Variants in MARCHF8 observed in about 807,000 individuals in gnomAD.
The protein encoded by MARCHF8 is E3 ubiquitin-protein ligase MARCHF8.
A neutral mutation model predicts 51.6 loss-of-function variants in MARCHF8; 40 were observed. The observed-to-expected ratio is 0.77, with a 90% CI of 0.60 to 1.01. MARCHF8 has a LOEUF of 1.01. MARCHF8 is among the 50% of genes least tolerant of loss of function. The pLI is 0.00. For synonymous variants in MARCHF8, 263 were observed against 280.3 expected, an observed-to-expected ratio of 0.94 and a Z score of 0.62; for missense variants, 685 against 708.6, an observed-to-expected ratio of 0.97 and a Z score of 0.38.
chr10:45,528,100 CA>C (rs2043821244), intron 2 of MARCHF8, among the ~76,000 whole-genome samples: 1 of 152,112 alleles, frequency 6.6e-6, no homozygotes, highest in Admixed American at 6.6e-5. Flanking sequence ...GAACATACCT[CA>C]AAATAATAAA....
chr10:45,590,680 A>T (rs2044668910), intron 1 of MARCHF8, among the ~76,000 whole-genome samples: 1 of 152,250 alleles, frequency 6.6e-6, no homozygotes, highest in Non-Finnish European at 1.5e-5. Flanking sequence ...AAATATGCAT[A>T]AGCAAACAAT....
intron 6 of MARCHF8, chr10:45,459,865 T>G: frequency 2.0e-6 from 2 of 985,454 alleles, no homozygotes; most frequent in Non-Finnish European, 2.4e-6. Context: ...AGCCAGACTT[T>G]CTTTTTCATT....
At chr10:45,479,524 G>A (rs771743420) in intron 3 of MARCHF8, among the ~76,000 whole-genome samples, 10 of 152,184 alleles carry the variant, frequency 6.6e-5, no homozygotes, top group Non-Finnish European at 1.5e-4. Flanking sequence ...CCCACAGGTT[G>A]TGGGAGGGAC....
chr10:45,575,692 A>G (rs1190943654), intron 1 of MARCHF8, among the ~76,000 whole-genome samples: 1 of 152,206 alleles, frequency 6.6e-6, no homozygotes, highest in Non-Finnish European at 1.5e-5. Context: ...TTAATATAAG[A>G]CTACAGGAAT....
chr10:45,570,663 A>C (rs2044418924), intron 1 of MARCHF8, among the ~76,000 whole-genome samples: 1 of 152,244 alleles, frequency 6.6e-6, no homozygotes, highest in Non-Finnish European at 1.5e-5. Context: ...ATTTGAAACG[A>C]AGTTATAAAA....
chr10:45,533,348 G>A, intron 1 of MARCHF8, 59 bp from the exon 2 acceptor site: 1 of 1,106,386 alleles, frequency 9.0e-7, no homozygotes, highest in Non-Finnish European at 1.2e-6. Flanking sequence ...AAATTTCCAA[G>A]AGTGAGCTTA....
chr10:45,468,019 T>G (rs1026265488), intron 3 of MARCHF8, among the ~76,000 whole-genome samples: 5 of 152,226 alleles, frequency 3.3e-5, no homozygotes, highest in African/African-American at 9.6e-5. Context: ...CTTCAGATGT[T>G]GTAATTAATT....
intron 2 of MARCHF8, among the ~76,000 whole-genome samples, chr10:45,510,916 T>G (rs923986363): frequency 6.6e-6 from 1 of 152,180 alleles, no homozygotes; most frequent in Non-Finnish European, 1.5e-5. Flanking sequence ...CAAATATCTA[T>G]GGGGAATATG....
chr10:45,528,737 C>G (rs1242118748), intron 2 of MARCHF8, among the ~76,000 whole-genome samples: 1 of 152,072 alleles, frequency 6.6e-6, no homozygotes, highest in Non-Finnish European at 1.5e-5. Flanking sequence ...ATCCCATTTA[C>G]AATAGCTACA....
intron 2 of MARCHF8, among the ~76,000 whole-genome samples, chr10:45,507,338 C>T (rs2043404526): frequency 6.6e-6 from 1 of 152,166 alleles, no homozygotes; most frequent in African/African-American, 2.4e-5. Flanking sequence ...AAAGGAATAC[C>T]TGAGGCTGGG....
rs11817831 is a variant in MARCHF8, at chr10:45,548,741, G to A, written c.-78-15452C>T. On this transcript the variant is annotated intron_variant, in intron 1 of 6. Coordinates refer to the MARCHF8 transcript ENST00000319836. ...CGTTTGGCCAGGCACGGTGGCTCATGCCTGTAATCTTCGGGAGGCCGAGGC... is the reference window on the plus strand; with the variant it reads ...CGTTTGGCCAGGCACGGTGGCTCATACCTGTAATCTTCGGGAGGCCGAGGC... 9.8e-3 allele frequency among the ~76,000 whole-genome samples: 1,487 copies of A among 152,278 alleles called. 29 individuals carry two copies. Among genetic ancestry groups the A allele is most frequent in the African/African-American group, 0.034 (1,420 of 41,562 alleles).
chr10:45,513,181 G>A (rs1439362405), intron 2 of MARCHF8, among the ~76,000 whole-genome samples: 1 of 150,852 alleles, frequency 6.6e-6, no homozygotes, highest in Non-Finnish European at 1.5e-5. Flanking sequence ...CTATGACCCT[G>A]CCAACTCCCC....
At chr10:45,529,449 T>A (rs2043842677) in intron 2 of MARCHF8, among the ~76,000 whole-genome samples, 1 of 152,000 alleles carries the variant, frequency 6.6e-6, no homozygotes, top group Non-Finnish European at 1.5e-5. Flanking sequence ...AAAGGAAAGC[T>A]ACAAAAATGA....
At chr10:45,489,001 T>G (rs1270753462) in intron 3 of MARCHF8, among the ~76,000 whole-genome samples, 4 of 152,210 alleles carry the variant, frequency 2.6e-5, no homozygotes, top group Non-Finnish European at 4.4e-5. Context: ...CCTTGTCAAA[T>G]GAACCATATA....
chr10:45,481,128 G>A (rs953185071), intron 3 of MARCHF8, among the ~76,000 whole-genome samples: 3 of 152,236 alleles, frequency 2.0e-5, no homozygotes, highest in African/African-American at 7.2e-5. Context: ...TTGGATTGTG[G>A]ACTTACATGG....
At chr10:45,537,364 C>T (rs1009364774), upstream of MARCHF8, among the ~76,000 whole-genome samples, 23 of 152,094 alleles carry the variant, frequency 1.5e-4, no homozygotes, top group Non-Finnish European at 4.4e-5. Context: ...AAAAGTTATG[C>T]TAAGTAGGCC....
intron 1 of MARCHF8, among the ~76,000 whole-genome samples, chr10:45,580,645 G>A (rs980217891): frequency 2.6e-5 from 4 of 152,114 alleles, no homozygotes; most frequent in Non-Finnish European, 5.9e-5. Context: ...TATGAAGTTC[G>A]TCAAGAACCA....
intron 1 of MARCHF8, among the ~76,000 whole-genome samples, chr10:45,534,220 C>T (rs1234161515): frequency 1.4e-5 from 2 of 145,382 alleles, no homozygotes; most frequent in African/African-American, 5.1e-5. Flanking sequence ...AGAGTATGTA[C>T]ATGAATGAGC....
chr10:45,523,879 A>G (rs1418234022), intron 2 of MARCHF8, among the ~76,000 whole-genome samples: 1 of 152,362 alleles, frequency 6.6e-6, no homozygotes, highest in East Asian at 1.9e-4. Context: ...GGTCAGCTAC[A>G]GTTATTCTGT....
Sources: gnomAD v4.1 joint callset for allele counts (sites outside exome capture counted in the v4.1 genomes callset) on GRCh38, gnomAD v4.1.1 for gene constraint, MANE v1.5 for transcripts, NCBI Gene and HGNC (gene_info 2026-07-23, HGNC 2026-07-21) for gene names.